Variants in EYS observed in about 807,000 individuals in gnomAD.
The protein encoded by EYS is EGF-like photoreceptor maintenance factor, also known as protein eyes shut homolog.
In EYS, 250 loss-of-function variants were observed where a neutral mutation model predicts 282.1. The ratio of observed to expected loss-of-function variants is 0.89; its 90% CI spans 0.80 to 0.98. The LOEUF (loss-of-function observed/expected upper bound fraction) is 0.98. EYS is among the 50% of genes least tolerant of loss of function. The probability of loss-of-function intolerance (pLI) is 0.00; values close to 1 mark genes in which losing one functional copy is unlikely to be tolerated. For synonymous variants in EYS, 1,355 were observed against 1,282.9 expected (o/e 1.06, Z -1.20); for missense variants, 4,016 against 3,709.0 (o/e 1.08, Z -2.15).
At chr6:64,697,148 T>C (rs777135118) in intron 22 of EYS, among the ~76,000 whole-genome samples, 2 of 152,260 alleles carry the variant, frequency 1.3e-5, no homozygotes, top group Non-Finnish European at 2.9e-5. Context: ...ATCAACTACA[T>C]GCTGCTTACA....
At chr6:65,680,244 T>C (rs1768770422) in intron 1 of EYS, among the ~76,000 whole-genome samples, 2 of 151,888 alleles carry the variant, frequency 1.3e-5, no homozygotes, top group South Asian at 2.1e-4. Context: ...TGATAATCCA[T>C]ACTAATTTCA....
chr6:64,432,299 T>A (rs1312198177), intron 28 of EYS, among the ~76,000 whole-genome samples: 4 of 152,016 alleles, frequency 2.6e-5, no homozygotes, highest in Admixed American at 1.3e-4. Flanking sequence ...AGAAATAAAG[T>A]AATTTTTTAA....
chr6:64,453,354 A>T (rs755065936), intron 26 of EYS, among the ~76,000 whole-genome samples: 1 of 152,302 alleles, frequency 6.6e-6, no homozygotes, highest in South Asian at 2.1e-4. Context: ...AAGTCAGGAA[A>T]GAACAGGTGC....
chr6:65,137,650 G>A (rs535205781), intron 12 of EYS, among the ~76,000 whole-genome samples: 47 of 152,150 alleles, frequency 3.1e-4, no homozygotes, highest in African/African-American at 1.0e-3. Context: ...TGGATATAAG[G>A]AGATGGAAAG....
intron 1 of EYS, among the ~76,000 whole-genome samples, chr6:65,687,771 A>G (rs1474539236): frequency 6.6e-6 from 1 of 152,176 alleles, no homozygotes; most frequent in Non-Finnish European, 1.5e-5. Flanking sequence ...AATCACAAGC[A>G]TTCTTATACA....
intron 15 of EYS, among the ~76,000 whole-genome samples, chr6:64,913,060 ATTAT>A (rs1308796748): frequency 6.6e-6 from 1 of 152,064 alleles, no homozygotes; most frequent in Non-Finnish European, 1.5e-5. Flanking sequence ...TTTCCTATGA[ATTAT>A]TTAATATAAG....
At chr6:64,239,236 T>G (rs961663287) in intron 30 of EYS, among the ~76,000 whole-genome samples, 15 of 152,170 alleles carry the variant, frequency 9.9e-5, no homozygotes, top group African/African-American at 3.6e-4. Context: ...GTCTTTATAG[T>G]AGAATGATTT....
At chr6:63,909,708 C>T (rs931788159) in intron 35 of EYS, among the ~76,000 whole-genome samples, 3 of 152,210 alleles carry the variant, frequency 2.0e-5, no homozygotes, top group Non-Finnish European at 4.4e-5. Context: ...GCTTCCAGTT[C>T]TCAAACTTTG....
In EYS at chr6:64,415,804, A is replaced by G. The variant is rs1246820951; in HGVS notation, c.5927+20370T>C. 2.0e-5 allele frequency among the ~76,000 whole-genome samples: 3 copies of G among 152,196 alleles called. No homozygotes were observed. The East Asian group carries it at 5.8e-4, about 29-fold the overall frequency. On this transcript the variant is annotated intron_variant, in intron 28 of 42. Coordinates refer to ENST00000503581, the MANE Select transcript of EYS (RefSeq NM_001142800.2). ...ATTGCACTTTAGCATCTCGTAAGGA[A>G]ATGCTCTCAAGCCTCAGACAAATGG...
chr6:64,839,048 A>G (rs2150033465), intron 19 of EYS, among the ~76,000 whole-genome samples: 1 of 152,114 alleles, frequency 6.6e-6, no homozygotes, highest in East Asian at 1.9e-4. Flanking sequence ...CCAATTATAT[A>G]TTTTATTCAT....
chr6:65,270,861 T>A (rs1391854568), intron 12 of EYS, among the ~76,000 whole-genome samples: 1 of 151,896 alleles, frequency 6.6e-6, no homozygotes, highest in Non-Finnish European at 1.5e-5. Flanking sequence ...GCAGCCATAA[T>A]GCAGTGTTCT....
intron 29 of EYS, among the ~76,000 whole-genome samples, chr6:64,307,950 T>C (rs1310723001): frequency 6.6e-6 from 1 of 152,042 alleles, no homozygotes; most frequent in Non-Finnish European, 1.5e-5. Flanking sequence ...ACTGTATAGA[T>C]TACATAGTCA....
intron 12 of EYS, among the ~76,000 whole-genome samples, chr6:65,103,295 A>G (rs1274893947): frequency 2.0e-5 from 3 of 151,564 alleles, no homozygotes; most frequent in African/African-American, 7.2e-5. Context: ...TGCTATAACA[A>G]TTGAAATAAA....
intron 28 of EYS, among the ~76,000 whole-genome samples, chr6:64,393,632 C>G (rs1476438484): frequency 6.6e-6 from 1 of 151,922 alleles, no homozygotes; most frequent in Non-Finnish European, 1.5e-5. Flanking sequence ...GGTCGTATTT[C>G]AAAATAATAA....
intron 33 of EYS, among the ~76,000 whole-genome samples, chr6:64,060,064 C>A (rs1224751361): frequency 6.6e-6 from 1 of 152,040 alleles, no homozygotes; most frequent in African/African-American, 2.4e-5. Context: ...ATGAATAAAT[C>A]TAATATCTTA....
chr6:65,510,271 GT>G (rs1562231082), intron 2 of EYS, among the ~76,000 whole-genome samples: 2 of 147,618 alleles, frequency 1.4e-5, no homozygotes, highest in East Asian at 4.1e-4. Context: ...GCGGTGTTTG[GT>G]TTTTTGTTCT....
At chr6:64,748,236 A>G (rs1772620496) in intron 22 of EYS, among the ~76,000 whole-genome samples, 1 of 152,256 alleles carries the variant, frequency 6.6e-6, no homozygotes, top group Admixed American at 6.5e-5. Context: ...ATAAACACAC[A>G]TCAACACATT....
intron 26 of EYS, among the ~76,000 whole-genome samples, chr6:64,561,918 C>CAAAA (rs1765405708): frequency 1.1e-5 from 1 of 89,458 alleles, no homozygotes. Flanking sequence ...TCACATGGAA[C>CAAAA]CAAAAAAAAA....
chr6:64,126,455 A>G lies in EYS; in HGVS notation c.6425-44453T>C, dbSNP rs151264948. On this transcript the variant is annotated intron_variant, in intron 31 of 42. Transcript: ENST00000503581. ...GACTCTAGCATATTGCAGTTACTCC[A>G]GTATCAAATGTTGTGTTAAAATTCT... Among the ~76,000 whole-genome samples, 19 of 152,152 alleles carry G rather than the reference A, an allele frequency of 1.2e-4. No homozygotes were observed. In the East Asian group the frequency reaches 3.7e-3, roughly 29 times the overall value.
Sources: gnomAD v4.1 joint callset for allele counts (sites outside exome capture counted in the v4.1 genomes callset) on GRCh38, gnomAD v4.1.1 for gene constraint, MANE v1.5 for transcripts, NCBI Gene and HGNC (gene_info 2026-07-23, HGNC 2026-07-21) for gene names.